The following PCDH9 variants were observed in gnomAD, a reference collection of about 807,000 sequenced individuals.
The protein encoded by PCDH9 is protocadherin-9.
PCDH9 carries 24 observed loss-of-function variants against 70.6 expected under a neutral mutation model. The observed-to-expected ratio is 0.34, with a 90% CI of 0.25 to 0.48. The LOEUF (loss-of-function observed/expected upper bound fraction) is 0.48. PCDH9 is among the 20% of genes least tolerant of loss of function. The pLI, the probability that PCDH9 is intolerant of heterozygous loss-of-function variation, is 0.99. For synonymous variants in PCDH9, 562 were observed against 558.5 expected, an observed-to-expected ratio of 1.01 and a Z score of -0.09; for missense variants, 1,281 against 1,503.6, an observed-to-expected ratio of 0.85 and a Z score of 2.45.
intron 3 of PCDH9, among the ~76,000 whole-genome samples, chr13:66,841,479 G>A (rs1203070583): frequency 6.7e-6 from 1 of 150,078 alleles, no homozygotes; most frequent in Non-Finnish European, 1.5e-5. Flanking sequence ...TTAGGAATTA[G>A]CTATAGGTTA....
At chr13:67,077,158 C>T (rs1186765025) in intron 2 of PCDH9, among the ~76,000 whole-genome samples, 1 of 152,064 alleles carries the variant, frequency 6.6e-6, no homozygotes, top group Non-Finnish European at 1.5e-5. Context: ...TTAAAAAATA[C>T]CACTCCCTAA....
At chr13:66,465,097 G>C (rs113695957) in intron 4 of PCDH9, among the ~76,000 whole-genome samples, 40 of 151,916 alleles carry the variant, frequency 2.6e-4, no homozygotes, top group African/African-American at 7.5e-4. Flanking sequence ...TTATACATCT[G>C]TACCATCTTG....
At chr13:66,471,792 C>G (rs1399721611) in intron 4 of PCDH9, among the ~76,000 whole-genome samples, 1 of 152,124 alleles carries the variant, frequency 6.6e-6, no homozygotes, top group Non-Finnish European at 1.5e-5. Flanking sequence ...CATTGCTCTG[C>G]TAGTATCAGA....
chr13:66,532,005 G>C (rs551227380), intron 4 of PCDH9, among the ~76,000 whole-genome samples: 1 of 152,170 alleles, frequency 6.6e-6, no homozygotes, highest in African/African-American at 2.4e-5. Context: ...TTTTGTTTGA[G>C]AGACAGGGTT....
rs531257297 is a variant in PCDH9, at chr13:66,871,462, A to T, written c.3138+32042T>A. 3.5e-3 allele frequency among the ~76,000 whole-genome samples: 530 copies of T among 152,096 alleles called. 3 individuals carry two copies. Among genetic ancestry groups the T allele is most frequent in the African/African-American group, 0.012 (507 of 41,488 alleles). The stretch of plus-strand genomic sequence containing the variant: ...AATCAAAGTCCTGTTCACACACGAT[A>T]CTCTTAAATTCCTCTTCACACAGAG... On this transcript the variant is annotated intron_variant, in intron 3 of 4. Coordinates refer to ENST00000377865, the MANE Select transcript of PCDH9 (RefSeq NM_203487.3).
chr13:66,813,518 G>A (rs540252898), intron 3 of PCDH9, among the ~76,000 whole-genome samples: 4 of 149,830 alleles, frequency 2.7e-5, no homozygotes, highest in African/African-American at 4.9e-5. Flanking sequence ...AAGAAAGGAA[G>A]GAAGGAAAGA....
At chr13:66,674,947 T>C (rs947192301) in intron 3 of PCDH9, among the ~76,000 whole-genome samples, 1 of 152,102 alleles carries the variant, frequency 6.6e-6, no homozygotes, top group African/African-American at 2.4e-5. Flanking sequence ...CATATCTGAG[T>C]ATATTTCATT....
intron 2 of PCDH9, among the ~76,000 whole-genome samples, chr13:67,067,701 C>T (rs565296361): frequency 4.7e-5 from 7 of 147,448 alleles, no homozygotes; most frequent in South Asian, 2.1e-4. Context: ...CTGACAGCGG[C>T]GAAGTGGTCT....
intron 2 of PCDH9, among the ~76,000 whole-genome samples, chr13:66,919,114 G>A (rs1455887719): frequency 6.6e-6 from 1 of 150,938 alleles, no homozygotes; most frequent in Admixed American, 6.6e-5. Context: ...TATATTATTG[G>A]TTATTTTATC....
chr13:67,170,596 G>T (rs936551322), intron 2 of PCDH9, among the ~76,000 whole-genome samples: 1 of 152,046 alleles, frequency 6.6e-6, no homozygotes, highest in Admixed American at 6.6e-5. Flanking sequence ...AATAACAATG[G>T]GAATTGCATA....
chr13:67,029,051 C>A (rs1415168339), intron 2 of PCDH9, among the ~76,000 whole-genome samples: 1 of 152,080 alleles, frequency 6.6e-6, no homozygotes, highest in African/African-American at 2.4e-5. Context: ...GTAACTTAAA[C>A]ACTGGTTATG....
chr13:66,561,724 T>C (rs1264535334), intron 4 of PCDH9, among the ~76,000 whole-genome samples: 1 of 151,924 alleles, frequency 6.6e-6, no homozygotes, highest in African/African-American at 2.4e-5. Context: ...TGGAGAACCG[T>C]TGTGTCTAGC....
At chr13:66,391,517 G>T (rs1464397287) in intron 4 of PCDH9, among the ~76,000 whole-genome samples, 1 of 152,096 alleles carries the variant, frequency 6.6e-6, no homozygotes, top group East Asian at 1.9e-4. Flanking sequence ...AGAGGAACTT[G>T]CCAATGAATT....
At chr13:67,125,829 G>GTA (rs2086966765) in intron 2 of PCDH9, among the ~76,000 whole-genome samples, 1 of 136,966 alleles carries the variant, frequency 7.3e-6, no homozygotes. Flanking sequence ...TTAAAAATGT[G>GTA]TGTATATATA....
chr13:67,111,343 G>C (rs2086655437), intron 2 of PCDH9, among the ~76,000 whole-genome samples: 1 of 151,926 alleles, frequency 6.6e-6, no homozygotes, highest in South Asian at 2.1e-4. Flanking sequence ...TATTCTTTTA[G>C]CCAAGTGATC....
intron 2 of PCDH9, among the ~76,000 whole-genome samples, chr13:67,026,396 T>A (rs2084781651): frequency 6.6e-6 from 1 of 152,138 alleles, no homozygotes; most frequent in Non-Finnish European, 1.5e-5. Context: ...ATAAATTAGG[T>A]ATTGATGGGA....
In PCDH9 at chr13:66,561,866, C is replaced by G. The variant is rs148766366; in HGVS notation, c.3340+69344G>C. Among the ~76,000 whole-genome samples the G allele has an allele frequency of 7.7e-3, 1,165 of 152,154 alleles. 5 individuals carry two copies. Among genetic ancestry groups the G allele is most frequent in the Non-Finnish European group, 0.014 (946 of 67,998 alleles). On this transcript the variant is annotated intron_variant, in intron 4 of 4. Coordinates refer to ENST00000377865, the MANE Select transcript of PCDH9 (RefSeq NM_203487.3). ...CCCGAGTCAGCAGTGGCAACCCGCT[C>G]GGGTCCTCTTCCACACTGTGGAAGC...
chr13:66,773,024 T>G (rs1235812472), intron 3 of PCDH9, among the ~76,000 whole-genome samples: 1 of 152,164 alleles, frequency 6.6e-6, no homozygotes, highest in Non-Finnish European at 1.5e-5. Flanking sequence ...CTGAATAAAT[T>G]AAGCTAAATG....
At chr13:66,719,841 T>C (rs1030020902) in intron 3 of PCDH9, among the ~76,000 whole-genome samples, 12 of 152,200 alleles carry the variant, frequency 7.9e-5, no homozygotes, top group African/African-American at 2.7e-4. Context: ...AGTCATTTTA[T>C]AAGTATCCAT....
Sources: allele counts gnomAD v4.1 joint callset (sites outside exome capture counted in the v4.1 genomes callset), GRCh38; gene constraint gnomAD v4.1.1; transcripts MANE v1.5; gene names NCBI Gene and HGNC (gene_info 2026-07-23, HGNC 2026-07-21).